Variants in TCF7L2 observed in about 807,000 individuals in gnomAD.
The protein encoded by TCF7L2 is transcription factor 7 like 2, also known as transcription factor 7-like 2.
In TCF7L2, 23 loss-of-function variants were observed where a neutral mutation model predicts 77.9. The ratio of observed to expected loss-of-function variants is 0.30; its 90% CI spans 0.21 to 0.42. The LOEUF is 0.42. TCF7L2 is among the 10% of genes least tolerant of loss of function. TCF7L2 has a pLI of 1.00. For missense variants in TCF7L2, 654 were observed against 793.1 expected (o/e 0.82, Z 2.11); for synonymous variants, 413 against 340.2 (o/e 1.21, Z -2.36).
chr10:113,125,121 T>C (rs2065370050), intron 5 of TCF7L2, among the ~76,000 whole-genome samples: 2 of 152,074 alleles, frequency 1.3e-5, no homozygotes, highest in African/African-American at 2.4e-5. Flanking sequence ...CAAATTTGTA[T>C]AGGAATTATT....
At chr10:113,008,320 C>G (rs978688886) in intron 4 of TCF7L2, among the ~76,000 whole-genome samples, 1 of 152,150 alleles carries the variant, frequency 6.6e-6, no homozygotes, top group African/African-American at 2.4e-5. Context: ...TGGACATCTT[C>G]CTGGTCAGTG....
chr10:113,095,014 G>T (rs1396754471), intron 5 of TCF7L2, among the ~76,000 whole-genome samples: 1 of 152,194 alleles, frequency 6.6e-6, no homozygotes, highest in East Asian at 1.9e-4. Flanking sequence ...GCTGAGACAG[G>T]AGAATCGCTT....
chr10:112,959,050 A>AT (rs910225941), intron 3 of TCF7L2, among the ~76,000 whole-genome samples: 2 of 152,076 alleles, frequency 1.3e-5, no homozygotes, highest in Non-Finnish European at 2.9e-5. Flanking sequence ...GATTCACTTT[A>AT]TTTTTTCCCC....
At chr10:113,037,741 G>A (rs138894864) in intron 4 of TCF7L2, among the ~76,000 whole-genome samples, 63 of 152,274 alleles carry the variant, frequency 4.1e-4, no homozygotes, top group African/African-American at 1.5e-3. Context: ...TAATCAAATC[G>A]GTTTTGCAGG....
At chr10:113,145,958 TC>T in intron 7 of TCF7L2, 52 bp from the exon 8 acceptor site, 1 of 1,350,236 alleles carries the variant, frequency 7.4e-7, no homozygotes. Context: ...CTTTTTCTTG[TC>T]CCCACCCCCA....
At chr10:113,118,393 A>AC (rs1290010286) in intron 5 of TCF7L2, among the ~76,000 whole-genome samples, 1 of 152,158 alleles carries the variant, frequency 6.6e-6, no homozygotes, top group Non-Finnish European at 1.5e-5. Context: ...AGTAAGACTT[A>AC]TTTAGTTTTG....
At chr10:113,115,694 A>G (rs1262476135) in intron 5 of TCF7L2, among the ~76,000 whole-genome samples, 1 of 152,174 alleles carries the variant, frequency 6.6e-6, no homozygotes, top group African/African-American at 2.4e-5. Context: ...TTCTTTGTAA[A>G]TAATAGATCA....
Position 113,152,491 on chromosome 10 carries a change from G to A in TCF7L2, c.1269+51G>A, listed in dbSNP as rs368641868. The A allele has an allele frequency of 1.3e-4, 199 of 1,476,298 alleles. 1 individual carries two copies. Among genetic ancestry groups the A allele is most frequent in the Admixed American group, 1.2e-3 (66 of 56,434 alleles). The allele number at this position is 1,476,298 out of a possible 1,614,324, so 91.4% of individuals were successfully genotyped here. A position where few individuals can be genotyped will look rare whatever the true frequency, so the allele number is the denominator to read the frequency against. On this transcript the variant is annotated intron_variant, in intron 11 of 13. Transcript: ENST00000627217. ...TGGAGTCTGTAGAGCTGTGTTGTGCGTCTATACGGACAAAGAGAACAGGAC... is the reference window on the plus strand; with the variant it reads ...TGGAGTCTGTAGAGCTGTGTTGTGCATCTATACGGACAAAGAGAACAGGAC...
intron 4 of TCF7L2, among the ~76,000 whole-genome samples, chr10:113,018,630 G>A (rs893331827): frequency 2.0e-5 from 3 of 151,798 alleles, no homozygotes; most frequent in African/African-American, 7.3e-5. Flanking sequence ...CCATGCCTGG[G>A]TATTTTTTTG....
intron 4 of TCF7L2, among the ~76,000 whole-genome samples, chr10:112,993,159 A>AT (rs772608266): frequency 6.1e-4 from 93 of 152,078 alleles, no homozygotes; most frequent in Non-Finnish European, 1.2e-3. Flanking sequence ...TCCCCACTCC[A>AT]TTTTGTGAAT....
rs148936109 is a variant in TCF7L2 at position 113,033,432 on chromosome 10, T to C, written c.451-6593T>C. 9.1e-3 allele frequency among the ~76,000 whole-genome samples: 1,382 copies of C among 152,054 alleles called. 26 individuals are homozygous for C. Among genetic ancestry groups the C allele is most frequent in the African/African-American group, 0.031 (1,295 of 41,470 alleles). On this transcript the variant is annotated intron_variant, in intron 4 of 13. Coordinates refer to ENST00000627217, the MANE Select transcript of TCF7L2 (RefSeq NM_001146274.2). ...CGCCACCACACTCAGCTAATTTTTT[T>C]TTTTTGGTAGAGATGGGGTCTCCTA...
At chr10:113,017,445 C>G (rs117813531) in intron 4 of TCF7L2, among the ~76,000 whole-genome samples, 2,162 of 152,344 alleles carry the variant, frequency 0.014, 28 homozygotes, top group Non-Finnish European at 0.021. Context: ...TTTCACCTGC[C>G]CATGCCGTCT....
chr10:112,958,814 A>G (rs907319453), intron 3 of TCF7L2, among the ~76,000 whole-genome samples: 3 of 152,192 alleles, frequency 2.0e-5, no homozygotes, highest in Non-Finnish European at 4.4e-5. Flanking sequence ...CTGAATCACA[A>G]TGGCATACCC....
intron 3 of TCF7L2, among the ~76,000 whole-genome samples, chr10:112,955,930 C>T (rs2094405): frequency 0.37 from 55,424 of 151,258 alleles, 11,566 homozygotes; most frequent in African/African-American, 0.58. Context: ...TTCCAGGTTT[C>T]GAATGCCTCC....
In TCF7L2 at chr10:113,118,654, G is replaced by GT. The variant is rs56402955; in HGVS notation, c.553-22521dup. On this transcript the variant is annotated intron_variant, in intron 5 of 13. Coordinates refer to ENST00000627217, the MANE Select transcript of TCF7L2 (RefSeq NM_001146274.2). Reference sequence around the variant, plus strand: ...AATCTGTTGGGGAAGTTTTTTTTTTGTTTTTTTTTGTTTTTTTTTTTTTGT... The same window carrying GT: ...AATCTGTTGGGGAAGTTTTTTTTTTGTTTTTTTTTTGTTTTTTTTTTTTTGT... Among the ~76,000 whole-genome samples the GT allele has an allele frequency of 8.2e-4, 105 of 127,914 alleles. No individual in the cohort carries two copies. In the East Asian group the frequency reaches 0.024, roughly 29 times the overall value. The allele number at this position is 127,914 out of a possible 152,430, so 83.9% of individuals were successfully genotyped here. A position where few individuals can be genotyped will look rare whatever the true frequency, so the allele number is the denominator to read the frequency against.
intron 4 of TCF7L2, among the ~76,000 whole-genome samples, chr10:112,996,965 T>C (rs2057856301): frequency 6.6e-6 from 1 of 152,058 alleles, no homozygotes; most frequent in Admixed American, 6.6e-5. Flanking sequence ...GCCATGATGG[T>C]GGAAAGTGAT....
At chr10:112,968,246 C>T (rs191076899) in intron 4 of TCF7L2, among the ~76,000 whole-genome samples, 1 of 152,288 alleles carries the variant, frequency 6.6e-6, no homozygotes, top group Admixed American at 6.5e-5. Context: ...CCACATGGAT[C>T]CACTTAGACA....
chr10:113,107,752 T>TAAAAAAAAAAAAAAAAAAAAAA (rs398014821), intron 5 of TCF7L2, among the ~76,000 whole-genome samples: 15 of 55,258 alleles, frequency 2.7e-4, no homozygotes, highest in Non-Finnish European at 4.1e-4. Context: ...AGACTCCGTC[T>TAAAAAAAAAAAAAAAAAAAAAA]AAAAAAAAAA....
At chr10:113,058,818 G>C (rs1244550045) in intron 5 of TCF7L2, among the ~76,000 whole-genome samples, 1 of 152,198 alleles carries the variant, frequency 6.6e-6, no homozygotes, top group Non-Finnish European at 1.5e-5. Flanking sequence ...CAGCAGGCCA[G>C]CGTTGCTGCT....
Sources: allele counts gnomAD v4.1 joint callset (sites outside exome capture counted in the v4.1 genomes callset), GRCh38; gene constraint gnomAD v4.1.1; transcripts MANE v1.5; gene names NCBI Gene and HGNC (gene_info 2026-07-23, HGNC 2026-07-21).